Variants in MGAT4D observed in about 807,000 individuals in gnomAD.
MGAT4D encodes alpha-1,3-mannosyl-glycoprotein 4-beta-N-acetylglucosaminyltransferase-like protein MGAT4D.
Under a neutral mutation model 15.9 loss-of-function variants are expected in MGAT4D, and 34 were observed. The ratio of observed to expected loss-of-function variants is 2.14; its 90% CI spans 1.62 to 2.84. The LOEUF (loss-of-function observed/expected upper bound fraction) is 2.84. Ranked by LOEUF, MGAT4D falls within the 30% of genes most tolerant of loss-of-function variation. The pLI, the probability that MGAT4D is intolerant of heterozygous loss-of-function variation, is 0.00. For missense variants in MGAT4D, 327 were observed against 140.2 expected (o/e 2.33, Z -6.73); for synonymous variants, 112 against 48.2 (o/e 2.33, Z -5.49).
At chr4:140,464,508 A>T (rs911542391) in intron 6 of MGAT4D, among the ~76,000 whole-genome samples, 1 of 152,168 alleles carries the variant, frequency 6.6e-6, no homozygotes, top group Admixed American at 6.5e-5. Context: ...CTGGGACTAG[A>T]ATCCAGCTCT....
rs564439461 is a variant in MGAT4D, at chr4:140,466,030, C to T, written c.573-1021G>A. On this transcript the variant is annotated intron_variant, in intron 5 of 10. Transcript: ENST00000511113. ...AGTCTTTTGGTGACTGGTCACTGTA[C>T]ATCTACTATTTAGTTCACCTGTTGA... 3.9e-5 allele frequency among the ~76,000 whole-genome samples: 6 copies of T among 152,314 alleles called. No homozygotes were observed. The South Asian group carries it at 8.3e-4, about 21-fold the overall frequency.
chr4:140,492,888 A>C (rs1269852406), intron 1 of MGAT4D, among the ~76,000 whole-genome samples: 1 of 152,238 alleles, frequency 6.6e-6, no homozygotes, highest in Admixed American at 6.5e-5. Flanking sequence ...TAAACATCTA[A>C]GCAGAGAAGG....
Position 140,479,592 on chromosome 4 carries a change from T to C in MGAT4D, c.289A>G (p.Thr97Ala). 1 of 511,148 alleles carries C rather than the reference T, an allele frequency of 2.0e-6. No individual in the cohort carries two copies. The highest frequency in any genetic ancestry group is 3.4e-5 in the East Asian group (1 of 29,438). The allele number at this position is 511,148 out of a possible 1,614,324, so 31.7% of individuals were successfully genotyped here. A position where few individuals can be genotyped will look rare whatever the true frequency, so the allele number is the denominator to read the frequency against. Residue 97 changes from threonine to alanine, a missense_variant, in exon 3 of 11, where the codon ACA becomes GCA. Physicochemically the swap from Thr to Ala is moderately conservative, Grantham distance 58. Transcript: ENST00000511113. ...AAGTCTTCAAATGTATTAGATACTG[T>C]TTCATTTTTATTTAATATGTCTGCT... ...QKADILNKNE[T>A]VSNTFEDLKF...
intron 10 of MGAT4D, among the ~76,000 whole-genome samples, chr4:140,443,773 T>C (rs1378398186): frequency 6.6e-6 from 1 of 152,130 alleles, no homozygotes; most frequent in African/African-American, 2.4e-5. Flanking sequence ...GTTTAAAACA[T>C]TTATTTTATT....
intron 6 of MGAT4D, among the ~76,000 whole-genome samples, chr4:140,463,299 C>A (rs919151293): frequency 6.6e-6 from 1 of 152,104 alleles, no homozygotes; most frequent in African/African-American, 2.4e-5. Flanking sequence ...AAACTCCTAG[C>A]TGAACTTTGT....
intron 1 of MGAT4D, among the ~76,000 whole-genome samples, chr4:140,495,374 G>T (rs752638526): frequency 3.9e-4 from 60 of 152,136 alleles, no homozygotes; most frequent in Non-Finnish European, 7.9e-4. Context: ...TCATTTGTTT[G>T]TTGTTTACTT....
At chr4:140,450,208 G>T (rs949433296) in intron 10 of MGAT4D, 39 of 253,890 alleles carry the variant, frequency 1.5e-4, no homozygotes, top group African/African-American at 7.9e-4. Flanking sequence ...GTGGTGTGAG[G>T]TATCAAAAGG....
At chr4:140,490,838 C>T (rs1733456101) in intron 1 of MGAT4D, among the ~76,000 whole-genome samples, 1 of 152,120 alleles carries the variant, frequency 6.6e-6, no homozygotes, top group Non-Finnish European at 1.5e-5. Context: ...TCAAATATGT[C>T]TCTTTTAGTA....
At chr4:140,492,737 C>A (rs1733586145) in intron 1 of MGAT4D, among the ~76,000 whole-genome samples, 1 of 151,996 alleles carries the variant, frequency 6.6e-6, no homozygotes, top group South Asian at 2.1e-4. Flanking sequence ...GCCTGTCCAG[C>A]AGGGAAAGGA....
chr4:140,485,001 C>A (rs1733005294), intron 1 of MGAT4D, among the ~76,000 whole-genome samples: 1 of 152,184 alleles, frequency 6.6e-6, no homozygotes, highest in Admixed American at 6.5e-5. Flanking sequence ...GGCGATTCCT[C>A]AGGGATCTAG....
chr4:140,452,316 A>G (rs1379628301), intron 9 of MGAT4D, among the ~76,000 whole-genome samples: 1 of 152,162 alleles, frequency 6.6e-6, no homozygotes, highest in Non-Finnish European at 1.5e-5. Context: ...AATTTTTTAC[A>G]TAACACATTT....
Position 140,459,620 on chromosome 4 carries a change from C to A in MGAT4D, c.769G>T (p.Asp257Tyr), listed in dbSNP as rs1731031869. 6.6e-6 allele frequency: 3 copies of A among 455,704 alleles called. No homozygotes were observed. The highest frequency in any genetic ancestry group is 3.9e-6 in the Non-Finnish European group (1 of 256,420). 28.2% of individuals were successfully genotyped at this position (455,704 alleles called of 1,614,324 possible). ...TACATCTCTTTAGCTATGATATCAT[C>A]TTCTAGCTGAAAAAAAAAACCCAAA... Reference protein sequence around the residue: ...PKAKYYLQLEDDIIAKEMYFT... With the variant: ...PKAKYYLQLEYDIIAKEMYFT... The change falls in exon 8 of 11, where the codon GAT (aspartate) becomes TAT (tyrosine). Residue 257 changes from aspartate (D) to tyrosine (Y), a missense_variant. By Grantham distance (160) the Asp-to-Tyr change is radical (BLOSUM62 -3). Transcript: ENST00000511113.
At chr4:140,456,442 A>T in intron 9 of MGAT4D, 147 bp downstream of exon 9, 1 of 402,980 alleles carries the variant, frequency 2.5e-6, no homozygotes, top group Non-Finnish European at 4.4e-6. Context: ...TTCATTTAAT[A>T]GGTAGAAAGA....
chr4:140,465,002 T>G lies in MGAT4D; in HGVS notation c.580A>C (p.Arg194=), dbSNP rs1485113347. ...VVKMITKKFK[R]QVRSGSLEVI... ...TCTAAGGATCCAGACCTCACTTGCC[T>G]TTTGAATCTATAAATAGAAGTAAAT... is the stretch of plus-strand genomic sequence containing the variant. Residue 194 remains arginine, a synonymous_variant, in exon 6 of 11, where the codon AGG becomes CGG. Transcript: ENST00000511113. 1.4e-6 allele frequency: 1 copy of G among 701,136 alleles called. No homozygotes were observed. The highest frequency in any genetic ancestry group is 2.6e-6 in the Non-Finnish European group (1 of 384,136). The allele number at this position is 701,136 out of a possible 1,614,324, so 43.4% of individuals were successfully genotyped here. A position where few individuals can be genotyped will look rare whatever the true frequency, so the allele number is the denominator to read the frequency against.
intron 10 of MGAT4D, chr4:140,449,890 T>G (rs1730365808): frequency 5.0e-6 from 1 of 199,738 alleles, no homozygotes; most frequent in Admixed American, 6.0e-5. Context: ...AAGTTGAACA[T>G]TCATAGAATG....
chr4:140,442,861 GA>G lies in MGAT4D; in HGVS notation c.*574del, dbSNP rs1729859305. 6.6e-6 allele frequency: 1 copy of G among 152,070 alleles called. No individual in the cohort carries two copies. The highest frequency in any genetic ancestry group is 1.9e-4 in the East Asian group (1 of 5,190). The allele number at this position is 152,070 out of a possible 1,614,324, so 9.4% of individuals were successfully genotyped here. ...ATCTGTGTGTTAAGAAGGCAATGAT[GA>G]GAGAAACTATGAAATCTTTAGAACT... On this transcript the variant is annotated 3_prime_UTR_variant, in exon 11 of 11. Coordinates refer to ENST00000511113, the MANE Select transcript of MGAT4D (RefSeq NM_001277353.2).
intron 5 of MGAT4D, among the ~76,000 whole-genome samples, chr4:140,468,530 C>A (rs1316427437): frequency 6.6e-6 from 1 of 152,084 alleles, no homozygotes. Flanking sequence ...TATAAGAATA[C>A]CAAACTAGCA....
chr4:140,481,130 A>C (rs984767170), intron 2 of MGAT4D, among the ~76,000 whole-genome samples: 3 of 151,970 alleles, frequency 2.0e-5, no homozygotes, highest in African/African-American at 7.3e-5. Context: ...CAACATAGAG[A>C]GACCCCATCT....
intron 1 of MGAT4D, among the ~76,000 whole-genome samples, chr4:140,484,520 G>C (rs1415937223): frequency 6.6e-6 from 1 of 152,074 alleles, no homozygotes; most frequent in Non-Finnish European, 1.5e-5. Flanking sequence ...AACACCAAAA[G>C]CAATAGCAAC....
Sources: allele counts gnomAD v4.1 joint callset (sites outside exome capture counted in the v4.1 genomes callset), GRCh38; gene constraint gnomAD v4.1.1; transcripts MANE v1.5; gene names NCBI Gene and HGNC (gene_info 2026-07-23, HGNC 2026-07-21).